Variants in EYS observed in about 807,000 individuals in gnomAD.
EYS encodes EGF-like photoreceptor maintenance factor.
A neutral mutation model predicts 282.1 loss-of-function variants in EYS; 250 were observed. The observed-to-expected ratio is 0.89, with a 90% CI of 0.80 to 0.98. The LOEUF (loss-of-function observed/expected upper bound fraction) is 0.98. Among genes scored for constraint, EYS ranks in the 50% least tolerant of loss-of-function variants. EYS has a pLI of 0.00. For synonymous variants in EYS, 1,355 were observed against 1,282.9 expected, an observed-to-expected ratio of 1.06 and a Z score of -1.20; for missense variants, 4,016 against 3,709.0, an observed-to-expected ratio of 1.08 and a Z score of -2.15.
At chr6:65,045,821 G>A (rs1279013253) in intron 13 of EYS, among the ~76,000 whole-genome samples, 5 of 151,894 alleles carry the variant, frequency 3.3e-5, no homozygotes, top group African/African-American at 1.2e-4. Flanking sequence ...GGATGTAGCT[G>A]GTAGATGTAG....
At chr6:65,426,720 A>G (rs1378517707) in intron 5 of EYS, among the ~76,000 whole-genome samples, 1 of 152,120 alleles carries the variant, frequency 6.6e-6, no homozygotes, top group Non-Finnish European at 1.5e-5. Flanking sequence ...ATACCCTTCT[A>G]CACTATTTTC....
chr6:65,635,161 A>G (rs1767042691), intron 2 of EYS, among the ~76,000 whole-genome samples: 1 of 152,220 alleles, frequency 6.6e-6, no homozygotes, highest in African/African-American at 2.4e-5. Context: ...GTAGATGCAG[A>G]TAACTGCAAA....
chr6:63,979,378 T>A (rs1207651650), intron 35 of EYS, among the ~76,000 whole-genome samples: 3 of 151,890 alleles, frequency 2.0e-5, no homozygotes, highest in Admixed American at 6.6e-5. Flanking sequence ...ATAAAAGCTA[T>A]GAGAACAGCT....
intron 28 of EYS, among the ~76,000 whole-genome samples, chr6:64,429,710 A>T (rs1025838010): frequency 1.3e-5 from 2 of 152,162 alleles, no homozygotes; most frequent in African/African-American, 4.8e-5. Context: ...ACATTTTAAG[A>T]TCCTCTTTTC....
chr6:64,929,734 T>A (rs542595136), intron 15 of EYS, among the ~76,000 whole-genome samples: 17 of 152,140 alleles, frequency 1.1e-4, no homozygotes, highest in Non-Finnish European at 1.9e-4. Context: ...ACAAATTTGT[T>A]AAACCTTGGG....
At chr6:65,156,936 A>G (rs1245591029) in intron 12 of EYS, among the ~76,000 whole-genome samples, 1 of 150,978 alleles carries the variant, frequency 6.6e-6, no homozygotes, top group African/African-American at 2.4e-5. Flanking sequence ...TGACATTTTC[A>G]TCTATTCTAT....
At position 65,181,630 on chromosome 6, in the gene EYS, C is replaced by T. The variant is rs1471827408; in HGVS notation, c.2023+114233G>A. On this transcript the variant is annotated intron_variant, in intron 12 of 42. Transcript: ENST00000503581. ...TGGTGGGACTGTAAACTAGTTCAAC[C>T]GTTGTGGAAATCAGTGTGGCGATTC... Among the ~76,000 whole-genome samples the T allele has an allele frequency of 2.0e-5, 3 of 152,066 alleles. No homozygotes were observed. In the East Asian group the frequency reaches 5.8e-4, roughly 29 times the overall value.
intron 2 of EYS, among the ~76,000 whole-genome samples, chr6:65,633,103 A>G (rs1766974438): frequency 1.3e-5 from 2 of 152,214 alleles, no homozygotes; most frequent in Non-Finnish European, 2.9e-5. Flanking sequence ...TCTTGCTACC[A>G]CAACGTAATC....
chr6:65,315,122 C>T (rs1041164102), intron 11 of EYS, among the ~76,000 whole-genome samples: 5 of 152,012 alleles, frequency 3.3e-5, no homozygotes, highest in Non-Finnish European at 7.4e-5. Flanking sequence ...CTGAAAATCA[C>T]CAGTTGTCTG....
chr6:65,404,959 A>T (rs1219852128), intron 6 of EYS, among the ~76,000 whole-genome samples: 1 of 152,136 alleles, frequency 6.6e-6, no homozygotes, highest in Middle Eastern at 3.4e-3. Flanking sequence ...GAGTGTACAA[A>T]TTTATATTCT....
intron 26 of EYS, among the ~76,000 whole-genome samples, chr6:64,518,622 G>A (rs1347192870): frequency 2.0e-5 from 3 of 151,564 alleles, no homozygotes; most frequent in African/African-American, 7.3e-5. Context: ...ATATGGTTTG[G>A]CTGCGTCCCC....
chr6:64,068,923 A>G (rs1188387457), intron 32 of EYS, among the ~76,000 whole-genome samples: 2 of 152,052 alleles, frequency 1.3e-5, no homozygotes, highest in African/African-American at 4.8e-5. Context: ...AGATTATCCT[A>G]TATTATCTCG....
At chr6:64,208,422 G>T (rs1765670348) in intron 31 of EYS, among the ~76,000 whole-genome samples, 4 of 152,146 alleles carry the variant, frequency 2.6e-5, no homozygotes, top group South Asian at 4.1e-4. Flanking sequence ...ATTAGTACAT[G>T]AAATCAAACT....
chr6:64,175,243 T>C (rs1401695879), intron 31 of EYS, among the ~76,000 whole-genome samples: 2 of 152,168 alleles, frequency 1.3e-5, no homozygotes, highest in East Asian at 3.9e-4. Flanking sequence ...TAATTTACAT[T>C]GATTTATTCA....
intron 2 of EYS, among the ~76,000 whole-genome samples, chr6:65,519,314 G>T (rs1767259882): frequency 6.6e-6 from 1 of 151,414 alleles, no homozygotes; most frequent in African/African-American, 2.4e-5. Context: ...GTGTGGCGGT[G>T]GTGGTGGCAA....
chr6:64,628,461 A>T (rs1674815973), intron 22 of EYS, among the ~76,000 whole-genome samples: 1 of 152,054 alleles, frequency 6.6e-6, no homozygotes, highest in South Asian at 2.1e-4. Flanking sequence ...CCCAGGCTGG[A>T]GTGCAATGCA....
At chr6:65,616,660 C>A (rs934407016) in intron 2 of EYS, among the ~76,000 whole-genome samples, 1 of 151,854 alleles carries the variant, frequency 6.6e-6, no homozygotes, top group African/African-American at 2.4e-5. Flanking sequence ...GTGGCACGTG[C>A]CTGTACTCCT....
intron 5 of EYS, among the ~76,000 whole-genome samples, chr6:65,470,028 A>G (rs1374214109): frequency 6.6e-6 from 1 of 152,172 alleles, no homozygotes. Context: ...CTTTCTCAGG[A>G]AAAGGATGTT....
At chr6:65,331,720 G>T in intron 11 of EYS, 1 of 981,080 alleles carries the variant, frequency 1.0e-6, no homozygotes, top group Non-Finnish European at 1.2e-6. Flanking sequence ...GAAAATCATT[G>T]TTTCATTAAA....
Sources: gnomAD v4.1 joint callset for allele counts (sites outside exome capture counted in the v4.1 genomes callset) on GRCh38, gnomAD v4.1.1 for gene constraint, MANE v1.5 for transcripts, NCBI Gene and HGNC (gene_info 2026-07-23, HGNC 2026-07-21) for gene names.